The following DMRT1 variants were observed in gnomAD, a reference collection of about 807,000 sequenced individuals.
The protein encoded by DMRT1 is doublesex and mab-3 related transcription factor 1, also known as doublesex- and mab-3-related transcription factor 1.
In DMRT1, 7 loss-of-function variants were observed where a neutral mutation model predicts 32.3. That is an observed-to-expected ratio of 0.22 (90% confidence interval 0.12 to 0.41). DMRT1 has a LOEUF of 0.41. Among genes scored for constraint, DMRT1 ranks in the 10% least tolerant of loss-of-function variants. DMRT1 has a pLI of 1.00. For missense variants in DMRT1, 625 were observed against 500.5 expected (o/e 1.25, Z -2.37); for synonymous variants, 278 against 206.1 (o/e 1.35, Z -2.99).
chr9:880,982 T>C (rs1365437073), intron 2 of DMRT1, among the ~76,000 whole-genome samples: 1 of 152,172 alleles, frequency 6.6e-6, no homozygotes, highest in African/African-American at 2.4e-5. Flanking sequence ...GTGTGATTTC[T>C]TGACATCAAA....
intron 3 of DMRT1, among the ~76,000 whole-genome samples, chr9:914,573 C>CAAAAAAA (rs34584256): frequency 3.0e-5 from 2 of 66,164 alleles, no homozygotes; most frequent in Admixed American, 2.2e-4. Context: ...GACTCTGTCT[C>CAAAAAAA]AAAAAAAAAA....
intron 3 of DMRT1, among the ~76,000 whole-genome samples, chr9:909,309 T>C (rs894474111): frequency 6.6e-6 from 1 of 152,170 alleles, no homozygotes; most frequent in African/African-American, 2.4e-5. Context: ...TTTTAGCCTA[T>C]ATATTAAAAT....
intron 4 of DMRT1, among the ~76,000 whole-genome samples, chr9:921,676 C>T (rs978058827): frequency 6.6e-6 from 1 of 152,152 alleles, no homozygotes; most frequent in African/African-American, 2.4e-5. Context: ...AAAACAGTTT[C>T]CAGCCTGAGC....
intron 2 of DMRT1, among the ~76,000 whole-genome samples, chr9:872,296 T>C (rs1302422317): frequency 1.3e-5 from 2 of 151,400 alleles, no homozygotes; most frequent in Admixed American, 6.6e-5. Context: ...CTCCTGACCT[T>C]GTGATCCACC....
intron 4 of DMRT1, among the ~76,000 whole-genome samples, chr9:940,407 T>C (rs1181564956): frequency 6.6e-6 from 1 of 152,048 alleles, no homozygotes; most frequent in African/African-American, 2.4e-5. Flanking sequence ...AACTCCCACA[T>C]GTATGGTCAA....
At chr9:898,764 C>T (rs371212350) in intron 3 of DMRT1, among the ~76,000 whole-genome samples, 8 of 152,360 alleles carry the variant, frequency 5.3e-5, no homozygotes, top group East Asian at 1.9e-4. Flanking sequence ...AGGCCGGACT[C>T]TCCTCCTAAC....
intron 1 of DMRT1, among the ~76,000 whole-genome samples, chr9:843,696 G>A (rs2132535653): frequency 6.6e-6 from 1 of 152,314 alleles, no homozygotes; most frequent in Admixed American, 6.5e-5. Context: ...TATTTAAAAT[G>A]AAAAGATAAC....
At chr9:887,527 T>A (rs184959599) in intron 2 of DMRT1, among the ~76,000 whole-genome samples, 52 of 152,346 alleles carry the variant, frequency 3.4e-4, no homozygotes, top group Middle Eastern at 6.8e-3. Flanking sequence ...CCTTCCATTC[T>A]CATTTGCAGT....
At position 920,235 on chromosome 9, in the gene DMRT1, T is replaced by A. The variant is rs972568353; in HGVS notation, c.967+3328T>A. Among the ~76,000 whole-genome samples the A allele has an allele frequency of 2.0e-5, 3 of 151,830 alleles. No individual in the cohort carries two copies. The South Asian group carries it at 6.2e-4, about 32-fold the overall frequency. On this transcript the variant is annotated intron_variant, in intron 4 of 4. Coordinates refer to ENST00000382276, the MANE Select transcript of DMRT1 (RefSeq NM_021951.3). The stretch of plus-strand genomic sequence containing the variant: ...AATGTGATGAGATCATTTGGAGAGA[T>A]GAATGTAGGTGGAGAATATAAAGGA...
chr9:846,072 C>A (rs1383679956), intron 1 of DMRT1, among the ~76,000 whole-genome samples: 1 of 150,132 alleles, frequency 6.7e-6, no homozygotes, highest in Non-Finnish European at 1.5e-5. Context: ...TGTTTTGTCG[C>A]CCAGGCTGGA....
intron 2 of DMRT1, among the ~76,000 whole-genome samples, chr9:853,945 G>A (rs577806188): frequency 4.6e-4 from 69 of 151,276 alleles, no homozygotes; most frequent in African/African-American, 1.7e-3. Flanking sequence ...ACAGGTGCAC[G>A]CTATCATGCC....
At chr9:932,357 G>A (rs1212006449) in intron 4 of DMRT1, among the ~76,000 whole-genome samples, 2 of 152,208 alleles carry the variant, frequency 1.3e-5, no homozygotes, top group African/African-American at 4.8e-5. Context: ...ACATGAATGA[G>A]AGAGCAGTGC....
intron 1 of DMRT1, among the ~76,000 whole-genome samples, chr9:844,310 T>G (rs1032031473): frequency 6.6e-6 from 1 of 152,196 alleles, no homozygotes; most frequent in Non-Finnish European, 1.5e-5. Context: ...GAAATTGATC[T>G]TACGTATGAT....
At chr9:892,290 G>C (rs557479661) in intron 2 of DMRT1, among the ~76,000 whole-genome samples, 23 of 152,194 alleles carry the variant, frequency 1.5e-4, no homozygotes, top group African/African-American at 5.5e-4. Flanking sequence ...TTCTGTAACA[G>C]CTCCTCCCTT....
At chr9:932,892 CG>C (rs1564260515) in intron 4 of DMRT1, among the ~76,000 whole-genome samples, 1 of 151,744 alleles carries the variant, frequency 6.6e-6, no homozygotes, top group Admixed American at 6.6e-5. Context: ...GCGGTATCTC[CG>C]TGCTCTTTGA....
chr9:841,807 G>T lies in DMRT1; in HGVS notation c.-32G>T. 6.3e-7 allele frequency: 1 copy of T among 1,587,452 alleles called. No individual in the cohort carries two copies. The highest frequency in any genetic ancestry group is 8.6e-7 in the Non-Finnish European group (1 of 1,167,452). On this transcript the variant is annotated 5_prime_UTR_variant, in exon 1 of 5. Transcript: ENST00000382276. Reference sequence around the variant, plus strand: ...CAGCAGTCTCCAGGCGAGAGAGGGGGCCAGAGTGCTCGCACTTCTCCTAGG... The same window carrying T: ...CAGCAGTCTCCAGGCGAGAGAGGGGTCCAGAGTGCTCGCACTTCTCCTAGG...
intron 2 of DMRT1, among the ~76,000 whole-genome samples, chr9:892,714 G>A (rs1252240040): frequency 6.6e-6 from 1 of 152,002 alleles, no homozygotes; most frequent in African/African-American, 2.4e-5. Flanking sequence ...TAACCTCCTT[G>A]CTCAGAACTC....
At chr9:901,649 A>T (rs12341117) in intron 3 of DMRT1, among the ~76,000 whole-genome samples, 12,698 of 151,472 alleles carry the variant, frequency 0.084, 917 homozygotes, top group African/African-American at 0.18. Flanking sequence ...TTTAAGACAT[A>T]GTAGGAGACT....
chr9:907,829 A>ATATGTGTGTGTG (rs1554754867), intron 3 of DMRT1, among the ~76,000 whole-genome samples: 1 of 149,428 alleles, frequency 6.7e-6, no homozygotes, highest in African/African-American at 2.5e-5. Context: ...TAAAATATAT[A>ATATGTGTGTGTG]TGTGTGTGTG....
Sources: gnomAD v4.1 joint callset for allele counts (sites outside exome capture counted in the v4.1 genomes callset) on GRCh38, gnomAD v4.1.1 for gene constraint, MANE v1.5 for transcripts, NCBI Gene and HGNC (gene_info 2026-07-23, HGNC 2026-07-21) for gene names.